GRIP1: variants seen among roughly 807,000 people sequenced by gnomAD.
The protein encoded by GRIP1 is glutamate receptor-interacting protein 1.
In GRIP1, 45 loss-of-function variants were observed where a neutral mutation model predicts 129.9. The ratio of observed to expected loss-of-function variants is 0.35; its 90% CI spans 0.27 to 0.44. The LOEUF is 0.44. Ranked by LOEUF, GRIP1 falls within the 20% of genes least tolerant of loss-of-function variation. The pLI is 1.00. For missense variants in GRIP1, 1,196 were observed against 1,396.8 expected (o/e 0.86, Z 2.29); for synonymous variants, 530 against 520.8 (o/e 1.02, Z -0.24).
At chr12:66,541,279 C>T (rs1291548511) in intron 3 of GRIP1, among the ~76,000 whole-genome samples, 2 of 152,230 alleles carry the variant, frequency 1.3e-5, no homozygotes, top group Admixed American at 1.3e-4. Context: ...AGACCTCCTC[C>T]TCTAAGCCTT....
chr12:66,968,488 A>G (rs1053984518), intron 1 of GRIP1, among the ~76,000 whole-genome samples: 1 of 152,000 alleles, frequency 6.6e-6, no homozygotes, highest in Non-Finnish European at 1.5e-5. Flanking sequence ...TTTATATAAC[A>G]TGTTATCTAC....
intron 1 of GRIP1, among the ~76,000 whole-genome samples, chr12:66,846,891 G>A (rs2039827966): frequency 6.6e-6 from 1 of 152,152 alleles, no homozygotes; most frequent in Non-Finnish European, 1.5e-5. Context: ...GGATGAGGGA[G>A]GCAGGCTAAA....
chr12:66,427,404 C>A (rs2058021087), intron 14 of GRIP1, among the ~76,000 whole-genome samples: 1 of 151,862 alleles, frequency 6.6e-6, no homozygotes, highest in Admixed American at 6.6e-5. Context: ...TGAGCACCAC[C>A]CCCCAAACAT....
intron 7 of GRIP1, among the ~76,000 whole-genome samples, chr12:66,512,127 T>G (rs1354694370): frequency 1.3e-5 from 2 of 152,130 alleles, no homozygotes; most frequent in Non-Finnish European, 2.9e-5. Context: ...CATGCAGACT[T>G]GTGGGTCAAT....
At chr12:66,400,901 T>A (rs982896504) in intron 16 of GRIP1, among the ~76,000 whole-genome samples, 1 of 150,922 alleles carries the variant, frequency 6.6e-6, no homozygotes, top group Non-Finnish European at 1.5e-5. Context: ...TTCATTTACT[T>A]TGGACTCAGA....
chr12:66,444,290 T>C (rs2058554337), intron 13 of GRIP1, among the ~76,000 whole-genome samples: 1 of 151,182 alleles, frequency 6.6e-6, no homozygotes, highest in Admixed American at 6.6e-5. Flanking sequence ...ATCGAGACCA[T>C]CCTGGCTAAC....
At chr12:66,475,061 A>C (rs991801878) in intron 7 of GRIP1, among the ~76,000 whole-genome samples, 2 of 152,202 alleles carry the variant, frequency 1.3e-5, no homozygotes, top group African/African-American at 4.8e-5. Flanking sequence ...AAGACCCATC[A>C]GTGTGCTGTA....
At chr12:66,512,984 C>T (rs902468721) in intron 7 of GRIP1, among the ~76,000 whole-genome samples, 5 of 152,050 alleles carry the variant, frequency 3.3e-5, no homozygotes, top group African/African-American at 9.7e-5. Flanking sequence ...TAATAGCAAT[C>T]TACTGGGAAA....
intron 1 of GRIP1, among the ~76,000 whole-genome samples, chr12:66,842,560 T>G (rs907392312): frequency 6.6e-6 from 1 of 152,182 alleles, no homozygotes; most frequent in Non-Finnish European, 1.5e-5. Context: ...GCTCAATATT[T>G]GCTATTAGTA....
At chr12:66,615,736 C>T (rs747815350) in intron 1 of GRIP1, among the ~76,000 whole-genome samples, 1 of 152,162 alleles carries the variant, frequency 6.6e-6, no homozygotes, top group Non-Finnish European at 1.5e-5. Flanking sequence ...CTTTCGCCTC[C>T]TGGGTTCAAG....
At chr12:66,913,402 T>C (rs1432445242) in intron 1 of GRIP1, among the ~76,000 whole-genome samples, 1 of 152,012 alleles carries the variant, frequency 6.6e-6, no homozygotes, top group Non-Finnish European at 1.5e-5. Context: ...TAGCAACAGG[T>C]ATCACAACCT....
At chr12:66,773,690 A>T (rs2037891564) in intron 1 of GRIP1, among the ~76,000 whole-genome samples, 1 of 152,212 alleles carries the variant, frequency 6.6e-6, no homozygotes, top group South Asian at 2.1e-4. Context: ...CGTGTATCCC[A>T]GAACTTAAAG....
rs35445606 is a variant in GRIP1, at chr12:66,696,804, C to CA, written c.-419-66469dup. On this transcript the variant is annotated intron_variant, in intron 1 of 4. Transcript: ENST00000538373. Reference sequence around the variant, plus strand: ...TGGGTGACAGAGCAAGACTCTGTCTCAAAAAAAAAAAAAAAAAAAAAAAAA... The same window carrying CA: ...TGGGTGACAGAGCAAGACTCTGTCTCAAAAAAAAAAAAAAAAAAAAAAAAAA... 5.1e-3 allele frequency among the ~76,000 whole-genome samples: 524 copies of CA among 103,634 alleles called. 20 individuals are homozygous for CA. Among genetic ancestry groups the CA allele is most frequent in the African/African-American group, 6.4e-3 (158 of 24,710 alleles). 68.0% of individuals were successfully genotyped at this position (103,634 alleles called of 152,430 possible). A position where few individuals can be genotyped will look rare whatever the true frequency, so the allele number is the denominator to read the frequency against.
chr12:66,858,011 G>A lies in GRIP1; in HGVS notation c.58+211039C>T, dbSNP rs185199648. 1.5e-3 allele frequency among the ~76,000 whole-genome samples: 223 copies of A among 152,038 alleles called. 1 individual carries two copies. The highest frequency in any genetic ancestry group is 4.2e-3 in the African/African-American group (174 of 41,504). On this transcript the variant is annotated intron_variant, in intron 1 of 1. Coordinates refer to the GRIP1 transcript ENST00000643019. ...ATCTCAGGAGTGTGAGGTTTATAGAGGAAACACTGCCTACCTTTCCTTTGA... is the reference window on the plus strand; with the variant it reads ...ATCTCAGGAGTGTGAGGTTTATAGAAGAAACACTGCCTACCTTTCCTTTGA...
At chr12:66,816,507 T>G (rs2039221496) in intron 1 of GRIP1, among the ~76,000 whole-genome samples, 1 of 152,190 alleles carries the variant, frequency 6.6e-6, no homozygotes, top group African/African-American at 2.4e-5. Flanking sequence ...ATTTTACAGG[T>G]GCTGATATTT....
At chr12:66,752,403 A>G (rs1368804522) in intron 1 of GRIP1, among the ~76,000 whole-genome samples, 1 of 152,172 alleles carries the variant, frequency 6.6e-6, no homozygotes, top group Non-Finnish European at 1.5e-5. Context: ...GTTTTATAGT[A>G]AATTAAACCA....
intron 1 of GRIP1, among the ~76,000 whole-genome samples, chr12:67,024,373 G>A (rs979190234): frequency 1.6e-4 from 24 of 152,132 alleles, no homozygotes; most frequent in African/African-American, 5.8e-4. Context: ...ATAGACACTG[G>A]GGGAAACACA....
In GRIP1 at chr12:66,446,588, GCT is replaced by G. The variant is rs1377772101; in HGVS notation, c.1355-1082_1355-1081del. Among the ~76,000 whole-genome samples the G allele has an allele frequency of 2.0e-5, 3 of 152,174 alleles. No homozygotes were observed. The East Asian group carries it at 5.8e-4, about 29-fold the overall frequency. On this transcript the variant is annotated intron_variant, in intron 11 of 24. Coordinates refer to ENST00000359742, the MANE Select transcript of GRIP1 (RefSeq NM_001366722.1). ...AATTCCATATTCTGTACTTATTTCT[GCT>G]CTGTCTCATTTTCAAGCCCATAATC...
At chr12:66,889,398 T>C (rs1011638781) in intron 1 of GRIP1, among the ~76,000 whole-genome samples, 1 of 151,978 alleles carries the variant, frequency 6.6e-6, no homozygotes, top group Non-Finnish European at 1.5e-5. Context: ...GAGGCAGAGG[T>C]TGCCATGAGC....
Sources: allele counts gnomAD v4.1 joint callset (sites outside exome capture counted in the v4.1 genomes callset), GRCh38; gene constraint gnomAD v4.1.1; transcripts MANE v1.5; gene names NCBI Gene and HGNC (gene_info 2026-07-23, HGNC 2026-07-21).